The following NUMA1 variants were observed in gnomAD, a reference collection of about 807,000 sequenced individuals.
The protein encoded by NUMA1 is nuclear mitotic apparatus protein 1.
NUMA1 carries 62 observed loss-of-function variants against 237.1 expected under a neutral mutation model. The observed-to-expected ratio is 0.26, with a 90% CI of 0.21 to 0.32. NUMA1 has a LOEUF of 0.32. Among genes scored for constraint, NUMA1 ranks in the 10% least tolerant of loss-of-function variants. NUMA1 has a pLI of 1.00. For synonymous variants in NUMA1, 1,028 were observed against 1,066.1 expected, an observed-to-expected ratio of 0.96 and a Z score of 0.70; for missense variants, 2,533 against 2,666.5, an observed-to-expected ratio of 0.95 and a Z score of 1.10.
intron 5 of NUMA1, among the ~76,000 whole-genome samples, chr11:72,023,514 T>C (rs1288278045): frequency 6.6e-6 from 1 of 152,178 alleles, no homozygotes; most frequent in African/African-American, 2.4e-5. Flanking sequence ...AGTAAACCTA[T>C]AGCTGAGTCA....
Position 72,004,516 on chromosome 11 carries a change from C to G in NUMA1, c.6006+124G>C, listed in dbSNP as rs558977373. Reference sequence around the variant, plus strand: ...ACAGTTCCCATCCATGGGTCAGGCCCTTGGAGAGAGGGAAAGAGAGGGGGA... The same window carrying G: ...ACAGTTCCCATCCATGGGTCAGGCCGTTGGAGAGAGGGAAAGAGAGGGGGA... On this transcript the variant is annotated intron_variant, in intron 24 of 26. Transcript: ENST00000393695. 2.4e-4 allele frequency: 312 copies of G among 1,277,118 alleles called. 1 individual carries two copies. Among genetic ancestry groups the G allele is most frequent in the Non-Finnish European group, 3.3e-4 (304 of 915,284 alleles). The allele number at this position is 1,277,118 out of a possible 1,614,324, so 79.1% of individuals were successfully genotyped here.
chr11:72,016,571 A>G (rs749084641), intron 13 of NUMA1, 41 bp from the exon 14 acceptor site: 7 of 1,602,666 alleles, frequency 4.4e-6, no homozygotes, highest in South Asian at 2.2e-5. Context: ...GAGGGGGAAC[A>G]GGCACCAGAT....
Position 72,003,901 on chromosome 11 carries a change from G to C in NUMA1, c.6322C>G (p.Arg2108Gly), listed in dbSNP as rs558707315. The change falls in exon 26 of 27, where the codon CGA becomes GGA. Residue 2108 changes from arginine (R) to glycine (G), a missense_variant. This residue lies in a region of NUMA1 where 795 missense variants were observed against 750.8 expected (regional missense o/e 1.06). Transcript: ENST00000393695. ...ATAAAIGATP[R>G]AKGKAKH ...AGTGCCTCTACCTTGCCCTTGGCTC[G>C]AGGGGTGGCACCAATGGCGGCAGCA... 1.9e-6 allele frequency: 3 copies of C among 1,613,670 alleles called. No individual in the cohort carries two copies. The highest frequency in any genetic ancestry group is 2.5e-6 in the Non-Finnish European group (3 of 1,179,892).
intron 3 of NUMA1, among the ~76,000 whole-genome samples, chr11:72,033,585 G>A (rs552397051): frequency 1.3e-5 from 2 of 151,834 alleles, no homozygotes; most frequent in Non-Finnish European, 2.9e-5. Flanking sequence ...GTTGCCCAGG[G>A]TGGTTGCAAA....
chr11:72,006,323 C>G (rs1955695036), intron 21 of NUMA1, 60 bp from the exon 22 acceptor site: 2 of 1,455,712 alleles, frequency 1.4e-6, no homozygotes, highest in South Asian at 2.4e-5. Flanking sequence ...AGAAGCTTCC[C>G]ATTCCCTTCC....
At chr11:72,075,886 T>C (rs1246072266) in intron 1 of NUMA1, among the ~76,000 whole-genome samples, 2 of 152,138 alleles carry the variant, frequency 1.3e-5, no homozygotes, top group South Asian at 2.1e-4. Context: ...TAGCCGTGTA[T>C]GGAATTTGTA....
intron 2 of NUMA1, among the ~76,000 whole-genome samples, chr11:72,056,572 A>T (rs1488080383): frequency 6.9e-6 from 1 of 145,516 alleles, no homozygotes. Context: ...CGCCTGCCTC[A>T]GCCTCCCAAA....
In NUMA1 at chr11:72,029,209, T is replaced by G. The variant is rs1278164570; in HGVS notation, c.124A>C (p.Arg42=). 6.8e-6 allele frequency: 11 copies of G among 1,610,652 alleles called. No homozygotes were observed. Among genetic ancestry groups the G allele is most frequent in the Non-Finnish European group, 9.3e-6 (11 of 1,178,854 alleles). ...DCSIFIKIID[R]IHGTEEGQQI... ...AGGGGTATGGTGCGTACTCACATTC[T>G]GTCAATGATCTTGATGAAGATGCTG... Residue 42 remains arginine (R), a synonymous_variant, in exon 4 of 27, where the codon AGA becomes CGA. Coordinates refer to ENST00000393695, the MANE Select transcript of NUMA1 (RefSeq NM_006185.4).
rs1938311826 is a variant in NUMA1, at chr11:72,018,859, C to T, written c.706G>A (p.Glu236Lys). 2 of 1,613,134 alleles carry T rather than the reference C, an allele frequency of 1.2e-6. No homozygotes were observed. Among genetic ancestry groups the T allele is most frequent in the African/African-American group, 1.3e-5 (1 of 74,970 alleles). Residue 236 changes from glutamate to lysine, a missense_variant, in exon 10 of 27, where the codon GAG becomes AAG. By Grantham distance (56) the Glu-to-Lys change is moderately conservative. This residue lies in a region of NUMA1 where 1,414 missense variants were observed against 1,508.1 expected (regional missense o/e 0.94). Coordinates refer to ENST00000393695, the MANE Select transcript of NUMA1 (RefSeq NM_006185.4). ...AGGAGCTTGCGGTTCTCAGCTAGCT[C>T]CAGCTCCAGCTCATCCCTATTACTT... ...ERSNRDELEL[E>K]LAENRKLLTE...
At position 72,008,833 on chromosome 11, in the gene NUMA1, C is replaced by T. The variant is rs764909634; in HGVS notation, c.5071G>A (p.Asp1691Asn). 1 of 1,614,150 alleles carries T rather than the reference C, an allele frequency of 6.2e-7. No homozygotes were observed. The highest frequency in any genetic ancestry group is 8.5e-7 in the Non-Finnish European group (1 of 1,180,046). ...TTGCCCAGGTCTCGAAGCTGCTGGTCTGCATGGGCAACCTGAGAAGGAGAG... is the reference window on the plus strand; with the variant it reads ...TTGCCCAGGTCTCGAAGCTGCTGGTTTGCATGGGCAACCTGAGAAGGAGAG... The part of the protein sequence containing the change: ...RSLEAQVAHA[D>N]QQLRDLGKFQ... Residue 1691 changes from aspartate (D) to asparagine (N), a missense_variant, in exon 20 of 27, where the codon GAC (aspartate) becomes AAC (asparagine). By Grantham distance (23) the Asp-to-Asn change is conservative. Coordinates refer to ENST00000393695, the MANE Select transcript of NUMA1 (RefSeq NM_006185.4).
At chr11:72,063,559 G>A (rs1477620670) in intron 2 of NUMA1, among the ~76,000 whole-genome samples, 1 of 140,640 alleles carries the variant, frequency 7.1e-6, no homozygotes, top group Admixed American at 7.6e-5. Flanking sequence ...GTGAGCCACT[G>A]CACCCAGCCT....
chr11:72,062,757 CAGGTATTA>C (rs1257834991), intron 2 of NUMA1: 3 of 151,808 alleles, frequency 2.0e-5, no homozygotes, highest in Admixed American at 2.0e-4. Flanking sequence ...CACAAATAAG[CAGGTATTA>C]AGTGGTTCTC....
chr11:72,013,438 G>A lies in NUMA1; in HGVS notation c.4065C>T (p.Ala1355=), dbSNP rs952356101. 1.9e-6 allele frequency: 3 copies of A among 1,613,238 alleles called. No individual in the cohort carries two copies. Among genetic ancestry groups the A allele is most frequent in the South Asian group, 1.1e-5 (1 of 91,076 alleles). The change falls in exon 15 of 27, where the codon GCC becomes GCT. Residue 1355 remains alanine (A), a synonymous_variant. Coordinates refer to ENST00000393695, the MANE Select transcript of NUMA1 (RefSeq NM_006185.4). The surrounding 1 kb of genome is among the most constrained non-coding windows in gnomAD (Gnocchi z 6.8). ...TAGCTGGCAGCAGCTCACTCACCAGGGCCTGTGTGCTGGTGTGCTCGAGCT... is the reference window on the plus strand; with the variant it reads ...TAGCTGGCAGCAGCTCACTCACCAGAGCCTGTGTGCTGGTGTGCTCGAGCT... The part of the protein sequence containing the change: ...TLQLEHTSTQ[A]LVSELLPAKH...
At position 72,005,249 on chromosome 11, in the gene NUMA1, T is replaced by C. The variant is rs1175531312; in HGVS notation, c.5813A>G (p.Tyr1938Cys). The C allele has an allele frequency of 6.2e-7, 1 of 1,602,188 alleles. No individual in the cohort carries two copies. Among genetic ancestry groups the C allele is most frequent in the African/African-American group, 1.3e-5 (1 of 74,098 alleles). Residue 1938 changes from tyrosine to cysteine, a missense_variant, in exon 23 of 27, where the codon TAT (tyrosine) becomes TGT (cysteine). Transcript: ENST00000393695. ...AGGCCTCACCCTGGACTCCAGGGGA[T>C]AGCAGGTCTTCAGATGTGGGGGGCA... ...RVCPPHLKTC[Y>C]PLESRPSLSL...
chr11:72,013,837 C>T lies in NUMA1; in HGVS notation c.3666G>A (p.Arg1222=). 3 of 1,612,722 alleles carry T rather than the reference C, an allele frequency of 1.9e-6. No homozygotes were observed. Among genetic ancestry groups the T allele is most frequent in the Non-Finnish European group, 2.5e-6 (3 of 1,180,028 alleles). ...CCAAGCTGCTGATGAGGCTATTTTT[C>T]CTCTCAGCCTCTTGCCGGCCCCGGG... is the stretch of plus-strand genomic sequence containing the variant. ...QVARGRQEAE[R]KNSLISSLEE... The change falls in exon 15 of 27, where the codon AGG becomes AGA. Residue 1222 remains arginine, a synonymous_variant. Coordinates refer to ENST00000393695, the MANE Select transcript of NUMA1 (RefSeq NM_006185.4). The surrounding 1 kb of genome is among the most constrained non-coding windows in gnomAD (Gnocchi z 6.8).
Position 72,022,354 on chromosome 11 carries a change from A to C in NUMA1, c.357T>G (p.Phe119Leu). Reference protein sequence around the residue: ...SSKSPRDWEQFEYKIQAELAV... With the variant: ...SSKSPRDWEQLEYKIQAELAV... ...AAGGGCTTACCTGAATTTTATATTC[A>C]AACTGTTCCCAGTCCCTGGGACTTT... The change falls in exon 7 of 27, where the codon TTT becomes TTG. Residue 119 changes from phenylalanine to leucine, a missense_variant. By Grantham distance (22) the Phe-to-Leu change is conservative (BLOSUM62 0). Around this residue, in one of 3 missense-constraint regions of NUMA1, gnomAD observed 1,414 missense variants for 1,508.1 expected, o/e 0.94. Transcript: ENST00000393695. 1 of 1,613,304 alleles carries C rather than the reference A, an allele frequency of 6.2e-7. No homozygotes were observed. Among genetic ancestry groups the C allele is most frequent in the Non-Finnish European group, 8.5e-7 (1 of 1,179,380 alleles).
At position 72,004,292 on chromosome 11, in the gene NUMA1, C is replaced by A; in HGVS notation, c.6056G>T (p.Arg2019Leu). 1.2e-6 allele frequency: 2 copies of A among 1,613,476 alleles called. No individual in the cohort carries two copies. The highest frequency in any genetic ancestry group is 1.7e-6 in the Non-Finnish European group (2 of 1,179,880). The change falls in exon 25 of 27, where the codon CGA (arginine) becomes CTA (leucine). Residue 2019 changes from arginine to leucine, a missense_variant. Coordinates refer to ENST00000393695, the MANE Select transcript of NUMA1 (RefSeq NM_006185.4). Reference sequence around the variant, plus strand: ...AGTGCTCTGTTTGCGCCCTTCATGTCGGTCTCGGGGAGTCATGGGGCGTGG... The same window carrying A: ...AGTGCTCTGTTTGCGCCCTTCATGTAGGTCTCGGGGAGTCATGGGGCGTGG... ...CFPRPMTPRD[R>L]HEGRKQSTTE...
rs771489039 is a variant in NUMA1, at chr11:72,015,885, G to A, written c.1618C>T (p.Gln540Ter). ...EKQAQLAQTLQQQEQASQGLR... is the reference protein window; with the variant it reads ...EKQAQLAQTL ...CCCTGGGAGGCCTGTTCTTGCTGTT[G>A]GAGGGTCTGTGCTAGCTGGGCCTGC... is the stretch of plus-strand genomic sequence containing the variant. Residue 540 changes from glutamine (Q) to a stop codon, truncating the protein, a stop_gained, in exon 15 of 27, where the codon CAA becomes TAA. Transcript: ENST00000393695. LOFTEE classifies it high-confidence loss of function. The surrounding 1 kb of genome is among the most constrained non-coding windows in gnomAD (Gnocchi z 4.0). 6.2e-7 allele frequency: 1 copy of A among 1,614,000 alleles called. No homozygotes were observed. Among genetic ancestry groups the A allele is most frequent in the Admixed American group, 1.7e-5 (1 of 60,010 alleles).
intron 2 of NUMA1, among the ~76,000 whole-genome samples, chr11:72,044,071 C>A (rs935349080): frequency 6.6e-6 from 1 of 152,146 alleles, no homozygotes; most frequent in Non-Finnish European, 1.5e-5. Context: ...TAAAAACTCC[C>A]TTAATGAAGT....
Sources: allele counts gnomAD v4.1 joint callset (sites outside exome capture counted in the v4.1 genomes callset), GRCh38; gene constraint gnomAD v4.1.1; regional missense constraint gnomAD v4.1.1; non-coding constraint Gnocchi (gnomAD v3.1); transcripts MANE v1.5; gene names NCBI Gene and HGNC (gene_info 2026-07-23, HGNC 2026-07-21).